GDA: variants seen among roughly 807,000 people sequenced by gnomAD.
The protein encoded by GDA is guanine deaminase.
In GDA, 18 loss-of-function variants were observed where a neutral mutation model predicts 59.6. That is an observed-to-expected ratio of 0.30 (90% CI 0.21 to 0.45). The LOEUF (loss-of-function observed/expected upper bound fraction) is 0.45, where lower values mean the gene tolerates loss of function less well. Ranked by LOEUF, GDA falls within the 20% of genes least tolerant of loss-of-function variation. GDA has a pLI of 1.00. For synonymous variants in GDA, 201 were observed against 201.1 expected (o/e 1.00, Z 0.00); for missense variants, 427 against 552.3 (o/e 0.77, Z 2.27).
At chr9:72,233,226 C>G (rs1564156416) in intron 10 of GDA, among the ~76,000 whole-genome samples, 1 of 152,146 alleles carries the variant, frequency 6.6e-6, no homozygotes, top group Non-Finnish European at 1.5e-5. Flanking sequence ...CAAGTGCAGG[C>G]AGATCTTGAC....
At chr9:72,191,338 C>A (rs1372378070) in intron 1 of GDA, among the ~76,000 whole-genome samples, 2 of 151,962 alleles carry the variant, frequency 1.3e-5, no homozygotes, top group African/African-American at 4.8e-5. Flanking sequence ...GTTATTTTTA[C>A]CAGCTGTATG....
chr9:72,206,130 TA>T (rs1834664290), intron 3 of GDA, among the ~76,000 whole-genome samples: 1 of 152,230 alleles, frequency 6.6e-6, no homozygotes, highest in Non-Finnish European at 1.5e-5. Context: ...TATGACCTAA[TA>T]AAAGGTTAAT....
intron 1 of GDA, 66 bp downstream of exon 1, chr9:72,149,748 G>T: frequency 1.4e-6 from 2 of 1,476,514 alleles, no homozygotes; most frequent in Non-Finnish European, 1.8e-6. Context: ...ACCTGGCGCG[G>T]TGCTTCGCGT....
intron 2 of GDA, among the ~76,000 whole-genome samples, chr9:72,201,944 T>A (rs1413578646): frequency 6.6e-6 from 1 of 152,174 alleles, no homozygotes; most frequent in Non-Finnish European, 1.5e-5. Context: ...CCCTCTTCGC[T>A]TCACTACTTA....
intron 1 of GDA, among the ~76,000 whole-genome samples, chr9:72,144,081 G>A (rs1469938467): frequency 1.3e-5 from 2 of 152,128 alleles, no homozygotes; most frequent in African/African-American, 2.4e-5. Context: ...CATTACCCGG[G>A]TATGGTAGCA....
chr9:72,250,381 G>A lies in GDA; in HGVS notation c.*2039G>A, dbSNP rs1587818879. On this transcript the variant is annotated 3_prime_UTR_variant, in exon 14 of 14. Coordinates refer to ENST00000358399, the MANE Select transcript of GDA (RefSeq NM_004293.5). ...TGTGCAGTAAATATAAATAAGTGTA[G>A]CATCAGAAGCAGTAGGAATGGCCGT... 1 of 1,114,700 alleles carries A rather than the reference G, an allele frequency of 9.0e-7. No homozygotes were observed. 69.1% of individuals were successfully genotyped at this position (1,114,700 alleles called of 1,614,324 possible).
intron 1 of GDA, among the ~76,000 whole-genome samples, chr9:72,154,932 T>A (rs1334632444): frequency 6.6e-6 from 1 of 152,216 alleles, no homozygotes; most frequent in African/African-American, 2.4e-5. Context: ...GAACAAAGTA[T>A]GCAAATACTG....
At chr9:72,256,709 G>T (rs941012401), downstream of GDA, among the ~76,000 whole-genome samples, 35 of 152,196 alleles carry the variant, frequency 2.3e-4, no homozygotes, top group African/African-American at 4.8e-5. Flanking sequence ...ATCACCATGG[G>T]TGTTGGTTCA....
intron 1 of GDA, 90 bp downstream of exon 1, chr9:72,149,772 C>T (rs1032709416): frequency 7.4e-7 from 1 of 1,360,130 alleles, no homozygotes; most frequent in African/African-American, 1.5e-5. Context: ...CCGGGGTTCG[C>T]TCGGTGCGCA....
rs1840700653 is a variant in GDA, at chr9:72,251,687, A to G, written c.*3345A>G. On this transcript the variant is annotated 3_prime_UTR_variant, in exon 14 of 14. Transcript: ENST00000358399. ...GCTTCAAGGAGATGTTAGCAATTTC[A>G]GATATACTAGCCAGTTTAGGTATGA... is the stretch of plus-strand genomic sequence containing the variant. 6.6e-6 allele frequency: 1 copy of G among 152,022 alleles called. No individual in the cohort carries two copies. The highest frequency in any genetic ancestry group is 1.5e-5 in the Non-Finnish European group (1 of 68,004). The allele number at this position is 152,022 out of a possible 1,614,324, so 9.4% of individuals were successfully genotyped here.
At chr9:72,240,273 T>G (rs1433893457) in intron 10 of GDA, among the ~76,000 whole-genome samples, 1 of 152,204 alleles carries the variant, frequency 6.6e-6, no homozygotes, top group African/African-American at 2.4e-5. Context: ...TTCATAAAAA[T>G]TACAAAGAAG....
intron 1 of GDA, among the ~76,000 whole-genome samples, chr9:72,194,833 G>T (rs906230615): frequency 6.6e-6 from 1 of 152,154 alleles, no homozygotes; most frequent in Non-Finnish European, 1.5e-5. Context: ...TTCCCCTCTG[G>T]CCAAGGCTGG....
rs1829516075 is a variant in GDA, at chr9:72,168,003, A to C, written c.123+18321A>C. On this transcript the variant is annotated intron_variant, in intron 1 of 13. Coordinates refer to ENST00000358399, the MANE Select transcript of GDA (RefSeq NM_004293.5). ...TGAGAGCAGGGATTAGGTCTTACTC[A>C]CATCATTCCCTAGTGCTGGGGTACA... Among the ~76,000 whole-genome samples the C allele has an allele frequency of 2.0e-5, 3 of 152,210 alleles. No individual in the cohort carries two copies. In the South Asian group the frequency reaches 6.2e-4, roughly 32 times the overall value.
At chr9:72,165,852 C>G (rs1829239522) in intron 1 of GDA, among the ~76,000 whole-genome samples, 2 of 150,540 alleles carry the variant, frequency 1.3e-5, no homozygotes, top group Non-Finnish European at 3.0e-5. Flanking sequence ...GAGCTGAGAT[C>G]ATGCCATTGC....
At chr9:72,125,272 ATCCTTCCTTCCTTCATTCCT>A (rs2130591524) in intron 1 of GDA, among the ~76,000 whole-genome samples, 1 of 151,708 alleles carries the variant, frequency 6.6e-6, no homozygotes, top group South Asian at 2.1e-4. Context: ...CCAGAGAAGG[ATCCTTCCTTCCTTCATTCCT>A]TCCTTTCTTC....
upstream of GDA, among the ~76,000 whole-genome samples, chr9:72,147,366 C>T (rs556346204): frequency 1.2e-3 from 184 of 152,260 alleles, no homozygotes; most frequent in Non-Finnish European, 2.0e-3. Context: ...CATCACCACA[C>T]CCAGCTAATT....
At chr9:72,219,583 G>C in intron 6 of GDA, 77 bp downstream of exon 6, 1 of 1,049,984 alleles carries the variant, frequency 9.5e-7, no homozygotes. Context: ...GCTTGATAGT[G>C]ATTAGTCTGT....
At chr9:72,206,598 C>A (rs1412409520) in intron 3 of GDA, among the ~76,000 whole-genome samples, 2 of 151,856 alleles carry the variant, frequency 1.3e-5, no homozygotes, top group African/African-American at 4.8e-5. Flanking sequence ...CATGGTGAGA[C>A]CCCGCCTCTA....
chr9:72,137,562 C>G (rs1826284433), intron 1 of GDA, among the ~76,000 whole-genome samples: 2 of 151,836 alleles, frequency 1.3e-5, no homozygotes, highest in African/African-American at 4.8e-5. Flanking sequence ...TCCTTTTTAA[C>G]TCTACAATTT....
Sources: allele counts gnomAD v4.1 joint callset (sites outside exome capture counted in the v4.1 genomes callset), GRCh38; gene constraint gnomAD v4.1.1; transcripts MANE v1.5; gene names NCBI Gene and HGNC (gene_info 2026-07-23, HGNC 2026-07-21).